TNRC6A: variants seen among roughly 807,000 people sequenced by gnomAD.
TNRC6A encodes trinucleotide repeat containing adaptor 6A.
TNRC6A carries 44 observed loss-of-function variants against 221.2 expected under a neutral mutation model. The observed-to-expected ratio is 0.20, with a 90% confidence interval of 0.16 to 0.26. The LOEUF (loss-of-function observed/expected upper bound fraction) is 0.26. Ranked by LOEUF, TNRC6A falls within the 10% of genes least tolerant of loss-of-function variation. The probability of loss-of-function intolerance (pLI) is 1.00; values close to 1 mark genes in which losing one functional copy is unlikely to be tolerated. For missense variants in TNRC6A, 2,199 were observed against 2,404.4 expected, an observed-to-expected ratio of 0.91 and a Z score of 1.79; for synonymous variants, 847 against 838.5, an observed-to-expected ratio of 1.01 and a Z score of -0.18.
chr16:24,822,833 C>T (rs35143376), intron 23 of TNRC6A, 41 bp from the exon 24 acceptor site: 40,404 of 1,610,980 alleles, frequency 0.025, 661 homozygotes, highest in Non-Finnish European at 0.03. Flanking sequence ...GGAGGGCCCG[C>T]GGTGACGCCT....
Position 24,750,756 on chromosome 16 carries a change from GGAA to G in TNRC6A, c.88_90del (p.Glu30del). 1 of 1,562,188 alleles carries G rather than the reference GGAA, an allele frequency of 6.4e-7. No individual in the cohort carries two copies. Among genetic ancestry groups the G allele is most frequent in the Non-Finnish European group, 8.6e-7 (1 of 1,158,050 alleles). On this transcript the variant is annotated inframe_deletion, in exon 3 of 25. Transcript: ENST00000395799. The stretch of plus-strand genomic sequence containing the variant: ...TAGTGCAAGAAGAAGAACAGTTGAT[GGAA>G]GAAAAGAAAAAGAAAAAAGACGACA...
At chr16:24,701,319 C>G (rs2055969398) in intron 2 of TNRC6A, among the ~76,000 whole-genome samples, 2 of 152,038 alleles carry the variant, frequency 1.3e-5, no homozygotes, top group African/African-American at 4.8e-5. Context: ...GCTCCCAAGC[C>G]TCTCTGAGTC....
At chr16:24,768,190 G>A (rs2057514189) in intron 4 of TNRC6A, among the ~76,000 whole-genome samples, 1 of 152,150 alleles carries the variant, frequency 6.6e-6, no homozygotes, top group Admixed American at 6.5e-5. Context: ...CCAGCACTTT[G>A]GGAGGCTGAG....
In TNRC6A at chr16:24,815,438, A is replaced by C. The variant is rs778436354; in HGVS notation, c.4831+133A>C. On this transcript the variant is annotated intron_variant, in intron 19 of 24. Transcript: ENST00000395799. ...GTGTGCGGATGAGAAGGAATGCAGA[A>C]GTGATTGAGGAAAAGTTAAGCATGA... 3 of 1,054,788 alleles carry C rather than the reference A, an allele frequency of 2.8e-6. No individual in the cohort carries two copies. In the South Asian group the frequency reaches 4.2e-5, roughly 15 times the overall value. The allele number at this position is 1,054,788 out of a possible 1,614,324, so 65.3% of individuals were successfully genotyped here. A position where few individuals can be genotyped will look rare whatever the true frequency, so the allele number is the denominator to read the frequency against.
chr16:24,779,111 A>C (rs2057786433), intron 5 of TNRC6A, among the ~76,000 whole-genome samples: 1 of 152,202 alleles, frequency 6.6e-6, no homozygotes, highest in Admixed American at 6.5e-5. Flanking sequence ...AAAATATCAA[A>C]AGTGTTACAG....
chr16:24,777,377 T>TA lies in TNRC6A; in HGVS notation c.589+20dup. 6.3e-7 allele frequency: 1 copy of TA among 1,595,668 alleles called. No homozygotes were observed. The highest frequency in any genetic ancestry group is 8.5e-7 in the Non-Finnish European group (1 of 1,173,452). ...CAGTCAGGTGAGAGAAGGCATTTCT[T>TA]ACGAGACTCACACCTTATCATCATT... On this transcript the variant is annotated intron_variant, in intron 5 of 24. Transcript: ENST00000395799.
chr16:24,803,026 C>CTT (rs1327113267), intron 11 of TNRC6A, among the ~76,000 whole-genome samples: 1 of 152,100 alleles, frequency 6.6e-6, no homozygotes, highest in Non-Finnish European at 1.5e-5. Flanking sequence ...CAGAGCAAAG[C>CTT]CTAAGAGAGG....
At chr16:24,822,817 C>T in intron 23 of TNRC6A, 57 bp from the exon 24 acceptor site, 5 of 1,606,108 alleles carry the variant, frequency 3.1e-6, no homozygotes, top group Non-Finnish European at 3.4e-6. Flanking sequence ...CCTGAAACAG[C>T]CTCCTGGAGG....
intron 2 of TNRC6A, among the ~76,000 whole-genome samples, chr16:24,741,009 G>C (rs1287395821): frequency 2.0e-5 from 3 of 152,206 alleles, no homozygotes; most frequent in African/African-American, 7.2e-5. Context: ...TTCTGCGGCT[G>C]TGCTGAACAT....
rs747588806 is a variant in TNRC6A at position 24,789,424 on chromosome 16, G to A, written c.782G>A (p.Ser261Asn). 3.7e-6 allele frequency: 6 copies of A among 1,614,196 alleles called. No individual in the cohort carries two copies. In the South Asian group the frequency reaches 6.6e-5, roughly 18 times the overall value. ...TGTATGGATGCTGATTCTGCCTCCA[G>A]TTCTGAATCAGAGAGAAACATCACT... ...SECMDADSASSSESERNITIM... is the reference protein window; with the variant it reads ...SECMDADSASNSESERNITIM... Residue 261 changes from serine to asparagine, a missense_variant, in exon 6 of 25, where the codon AGT (serine) becomes AAT (asparagine). Around this residue, in one of 8 missense-constraint regions of TNRC6A, gnomAD observed 1,405 missense variants for 1,400.2 expected, o/e 1.00. Transcript: ENST00000395799.
chr16:24,812,018 G>GTTTTTTTT (rs2058553420), intron 18 of TNRC6A, among the ~76,000 whole-genome samples: 2 of 82,784 alleles, frequency 2.4e-5, no homozygotes, highest in Non-Finnish European at 5.0e-5. Flanking sequence ...GTCACTTTGG[G>GTTTTTTTT]ATTTTTTTTT....
At chr16:24,733,416 A>G (rs564953332) in intron 2 of TNRC6A, among the ~76,000 whole-genome samples, 20 of 152,352 alleles carry the variant, frequency 1.3e-4, no homozygotes, top group African/African-American at 4.6e-4. Context: ...TTACTATCAT[A>G]GGTAAACTGT....
At chr16:24,783,837 T>C (rs2057907046) in intron 5 of TNRC6A, among the ~76,000 whole-genome samples, 1 of 152,196 alleles carries the variant, frequency 6.6e-6, no homozygotes, top group Non-Finnish European at 1.5e-5. Context: ...TTTACAACAC[T>C]GGGTCTTGTG....
At chr16:24,697,672 G>A (rs1407741830) in intron 2 of TNRC6A, among the ~76,000 whole-genome samples, 7 of 151,444 alleles carry the variant, frequency 4.6e-5, no homozygotes, top group Admixed American at 4.6e-4. Flanking sequence ...GCAACAGAGG[G>A]AGACCCTGTC....
rs543938837 is a variant in TNRC6A at position 24,749,929 on chromosome 16, C to A, written c.54-797C>A. ...TCAAGGTGGGCAGATCACTTGAGGT[C>A]AGGAGTTTGAGACCAGCCTGGCCAA... On this transcript the variant is annotated intron_variant, in intron 2 of 24. Transcript: ENST00000395799. Among the ~76,000 whole-genome samples, 22 of 152,258 alleles carry A rather than the reference C, an allele frequency of 1.4e-4. No homozygotes were observed. The South Asian group carries it at 4.6e-3, about 32-fold the overall frequency.
chr16:24,619,351 T>C (rs1248577439), intron 1 of TNRC6A, among the ~76,000 whole-genome samples: 1 of 152,196 alleles, frequency 6.6e-6, no homozygotes, highest in Admixed American at 6.5e-5. Context: ...CTATTATAGA[T>C]GCAATAAGAA....
At chr16:24,758,501 G>T in intron 4 of TNRC6A, 141 bp downstream of exon 4, 1 of 838,246 alleles carries the variant, frequency 1.2e-6, no homozygotes, top group Non-Finnish European at 1.9e-6. Context: ...AACATACCCT[G>T]GGGTCGTCCT....
intron 4 of TNRC6A, among the ~76,000 whole-genome samples, chr16:24,761,021 C>A (rs1469224968): frequency 6.6e-6 from 1 of 152,132 alleles, no homozygotes; most frequent in Admixed American, 6.5e-5. Context: ...AAAATGACTG[C>A]CAACATTTAA....
chr16:24,820,474 G>C, intron 22 of TNRC6A, 114 bp downstream of exon 22: 1 of 912,088 alleles, frequency 1.1e-6, no homozygotes, highest in Non-Finnish European at 1.7e-6. Context: ...ACCTCCATCA[G>C]GGGGAATGAG....
Sources: gnomAD v4.1 joint callset for allele counts (sites outside exome capture counted in the v4.1 genomes callset) on GRCh38, gnomAD v4.1.1 for gene constraint, gnomAD v4.1.1 regional missense constraint, MANE v1.5 for transcripts, NCBI Gene and HGNC (gene_info 2026-07-23, HGNC 2026-07-21) for gene names.